SMARCA4: variants seen among roughly 807,000 people sequenced by gnomAD.
SMARCA4 encodes SWI/SNF related BAF chromatin remodeling complex subunit ATPase 4.
In SMARCA4, 31 loss-of-function variants were observed where a neutral mutation model predicts 193.9. The observed-to-expected ratio is 0.16, with a 90% CI of 0.12 to 0.22. The LOEUF (loss-of-function observed/expected upper bound fraction) is 0.22. Ranked by LOEUF, SMARCA4 falls within the 10% of genes least tolerant of loss-of-function variation. The pLI is 1.00. For synonymous variants in SMARCA4, 942 were observed against 933.1 expected, an observed-to-expected ratio of 1.01 and a Z score of -0.17; for missense variants, 1,148 against 2,296.0, an observed-to-expected ratio of 0.50 and a Z score of 10.22.
chr19:11,016,788 C>T (rs1292831231), intron 16 of SMARCA4, among the ~76,000 whole-genome samples: 1 of 152,132 alleles, frequency 6.6e-6, no homozygotes, highest in African/African-American at 2.4e-5. Context: ...TCAGTTGGCT[C>T]TTCTGTCCTT....
rs79010173 is a variant in SMARCA4, at chr19:11,034,654, C to G, written c.3952-260C>G. 6.6e-6 allele frequency among the ~76,000 whole-genome samples: 1 copy of G among 152,198 alleles called. No homozygotes were observed. Among genetic ancestry groups the G allele is most frequent in the Non-Finnish European group, 1.5e-5 (1 of 68,030 alleles). ...GCTGGGCCACGCAGCTGCTGCCCCC[C>G]TGCTGGGGTCTGCAGCCCTCTTGTG... is the stretch of plus-strand genomic sequence containing the variant. On this transcript the variant is annotated intron_variant, in intron 28 of 34. Coordinates refer to ENST00000344626, the MANE Select transcript of SMARCA4 (RefSeq NM_003072.5). This position sits in a 1 kb window ranked among gnomAD's most constrained non-coding sequence, Gnocchi z 7.0.
intron 30 of SMARCA4, among the ~76,000 whole-genome samples, chr19:11,047,292 A>G (rs370241427): frequency 3.9e-5 from 6 of 152,220 alleles, no homozygotes; most frequent in East Asian, 3.9e-4. Flanking sequence ...GGTGATCTGG[A>G]CGGTTCCAGA....
chr19:11,054,885 T>G (rs1024569307), intron 30 of SMARCA4, among the ~76,000 whole-genome samples: 1 of 152,222 alleles, frequency 6.6e-6, no homozygotes, highest in African/African-American at 2.4e-5. Context: ...CTCCCCTTTG[T>G]AGGCCTTGAC....
chr19:11,018,603 C>T (rs114915378), intron 16 of SMARCA4, among the ~76,000 whole-genome samples: 134 of 152,340 alleles, frequency 8.8e-4, no homozygotes, highest in African/African-American at 2.6e-3. Flanking sequence ...TGGCTCTGGG[C>T]GTGAAGCCTG....
intron 1 of SMARCA4, among the ~76,000 whole-genome samples, chr19:10,963,983 G>C (rs1263908385): frequency 2.6e-5 from 4 of 152,120 alleles, no homozygotes; most frequent in African/African-American, 9.7e-5. Flanking sequence ...AGTAATAAAT[G>C]GTTTTGCATG....
At chr19:10,988,143 G>A (rs1019455510) in intron 6 of SMARCA4, among the ~76,000 whole-genome samples, 1 of 150,074 alleles carries the variant, frequency 6.7e-6, no homozygotes, top group Admixed American at 6.6e-5. Flanking sequence ...TTTTTGAGAC[G>A]GAGTTTCACT....
Position 10,986,907 on chromosome 19 carries a change from A to G in SMARCA4, c.763A>G (p.Met255Val), listed in dbSNP as rs754085815. 2 of 1,609,710 alleles carry G rather than the reference A, an allele frequency of 1.2e-6. No homozygotes were observed. The highest frequency in any genetic ancestry group is 1.7e-5 in the Admixed American group (1 of 59,998). Residue 255 changes from methionine to valine, a missense_variant and splice_region_variant, in exon 5 of 35, where the codon ATG becomes GTG. Around this residue, in one of 17 missense-constraint regions of SMARCA4, gnomAD observed 257 missense variants for 276.5 expected, o/e 0.93. Coordinates refer to ENST00000344626, the MANE Select transcript of SMARCA4 (RefSeq NM_003072.5). This position sits in a 1 kb window ranked among gnomAD's most constrained non-coding sequence, Gnocchi z 6.7. The stretch of plus-strand genomic sequence containing the variant: ...CTTTTGTTTCTCCCTACATGTAGGT[A>G]TGGGAGGGCCCAACATGCCTCCCCC... ...APPNYSRPHG[M>V]GGPNMPPPGP...
At chr19:11,005,522 C>T (rs1409169600) in intron 13 of SMARCA4, among the ~76,000 whole-genome samples, 1 of 152,216 alleles carries the variant, frequency 6.6e-6, no homozygotes, top group East Asian at 1.9e-4. Context: ...TTCTCCCTGG[C>T]ACTTATGCTT....
intron 23 of SMARCA4, among the ~76,000 whole-genome samples, chr19:11,026,733 A>G (rs539176146): frequency 6.6e-6 from 1 of 152,220 alleles, no homozygotes; most frequent in Admixed American, 6.5e-5. Flanking sequence ...TCCTGACCTC[A>G]AGTGATCCAC....
intron 1 of SMARCA4, among the ~76,000 whole-genome samples, chr19:10,974,616 C>A (rs560665869): frequency 7.8e-6 from 1 of 128,116 alleles, no homozygotes; most frequent in Non-Finnish European, 1.6e-5. Context: ...GTGCTGACAG[C>A]GGTTTGTGCA....
At chr19:11,009,681 G>A (rs184212156) in intron 14 of SMARCA4, among the ~76,000 whole-genome samples, 1 of 149,962 alleles carries the variant, frequency 6.7e-6, no homozygotes, top group South Asian at 2.1e-4. Context: ...CACCACGCCC[G>A]GCTAACTTTT....
At chr19:11,020,863 GAGTCTCACA>G (rs937975619) in intron 18 of SMARCA4, 1 of 151,538 alleles carries the variant, frequency 6.6e-6, no homozygotes, top group Non-Finnish European at 1.5e-5. Context: ...TATTGAGACA[GAGTCTCACA>G]GCTGTCACCC....
rs1345089506 is a variant in SMARCA4, at chr19:11,033,216, C to T, written c.3547-74C>T. On this transcript the variant is annotated intron_variant, in intron 25 of 34. Coordinates refer to ENST00000344626, the MANE Select transcript of SMARCA4 (RefSeq NM_003072.5). This position sits in a 1 kb window ranked among gnomAD's most constrained non-coding sequence, Gnocchi z 9.8. ...TGGCACGCACAGCACACCTCTCCAGCTAGTGTCAGAGGCCACCTTCCCTTT... is the reference window on the plus strand; with the variant it reads ...TGGCACGCACAGCACACCTCTCCAGTTAGTGTCAGAGGCCACCTTCCCTTT... 4 of 1,138,874 alleles carry T rather than the reference C, an allele frequency of 3.5e-6. No individual in the cohort carries two copies. The allele number at this position is 1,138,874 out of a possible 1,614,324, so 70.5% of individuals were successfully genotyped here.
intron 30 of SMARCA4, among the ~76,000 whole-genome samples, chr19:11,055,065 A>C (rs923761175): frequency 6.6e-6 from 1 of 152,068 alleles, no homozygotes; most frequent in Non-Finnish European, 1.5e-5. Flanking sequence ...TGAGGACAGG[A>C]CCTCCAGGGA....
chr19:11,044,870 A>T (rs902160437), intron 30 of SMARCA4, among the ~76,000 whole-genome samples: 1 of 152,196 alleles, frequency 6.6e-6, no homozygotes, highest in Non-Finnish European at 1.5e-5. Context: ...CTTTGGTCAT[A>T]ATCTCCCAAA....
intron 15 of SMARCA4, chr19:11,010,809 A>C: frequency 2.1e-6 from 1 of 478,766 alleles, no homozygotes; most frequent in South Asian, 1.9e-5. Context: ...CAGTGGCCTC[A>C]CAGAGGAGAC....
rs138457911 is a variant in SMARCA4 at position 10,963,250 on chromosome 19, G to A, written c.-32+2076G>A. ...TAGCCGAGTGTGGTGGCATGCACCG[G>A]TGGTCCCAACTACTCAGGAGGCTGA... On this transcript the variant is annotated intron_variant, in intron 1 of 34. Transcript: ENST00000344626. Among the ~76,000 whole-genome samples, 75 of 151,816 alleles carry A rather than the reference G, an allele frequency of 4.9e-4. 2 individuals carry two copies. The East Asian group carries it at 7.6e-3, about 15-fold the overall frequency.
chr19:11,004,120 G>T (rs932573841), intron 13 of SMARCA4, among the ~76,000 whole-genome samples: 1 of 148,774 alleles, frequency 6.7e-6, no homozygotes, highest in South Asian at 2.1e-4. Context: ...GTGTTCAAGC[G>T]ATTCTCCTGC....
chr19:11,035,254 C>A, intron 29 of SMARCA4, 122 bp downstream of exon 29: 1 of 924,036 alleles, frequency 1.1e-6, no homozygotes, highest in Non-Finnish European at 1.7e-6. Context: ...CCACTCCTGG[C>A]CAGGCTCCGC....
Sources: allele counts gnomAD v4.1 joint callset (sites outside exome capture counted in the v4.1 genomes callset), GRCh38; gene constraint gnomAD v4.1.1; regional missense constraint gnomAD v4.1.1; non-coding constraint Gnocchi (gnomAD v3.1); transcripts MANE v1.5; gene names NCBI Gene and HGNC (gene_info 2026-07-23, HGNC 2026-07-21).